The following KLHL31 variants were observed in gnomAD, a reference collection of about 807,000 sequenced individuals.
KLHL31 encodes the protein kelch like family member 31.
Under a neutral mutation model 47.1 loss-of-function variants are expected in KLHL31, and 32 were observed. The ratio of observed to expected loss-of-function variants is 0.68; its 90% CI spans 0.51 to 0.91. The LOEUF (loss-of-function observed/expected upper bound fraction) is 0.91, where lower values mean the gene tolerates loss of function less well. KLHL31 is among the 40% of genes least tolerant of loss of function. The pLI is 0.00. For synonymous variants in KLHL31, 330 were observed against 325.1 expected, an observed-to-expected ratio of 1.01 and a Z score of -0.16; for missense variants, 797 against 819.3, an observed-to-expected ratio of 0.97 and a Z score of 0.33.
rs572795025 is a variant in KLHL31, at chr6:53,648,489, C to T, written c.*3109G>A. The T allele has an allele frequency of 6.6e-6, 1 of 152,328 alleles. No homozygotes were observed. The highest frequency in any genetic ancestry group is 2.1e-4 in the South Asian group (1 of 4,832). The allele number at this position is 152,328 out of a possible 1,614,324, so 9.4% of individuals were successfully genotyped here. Reference sequence around the variant, plus strand: ...TAAAAAATTGACCTTTTAGAACGTACATATTTCCAGGTAAACCTCTATTTA... The same window carrying T: ...TAAAAAATTGACCTTTTAGAACGTATATATTTCCAGGTAAACCTCTATTTA... On this transcript the variant is annotated 3_prime_UTR_variant, in exon 3 of 3. Transcript: ENST00000370905.
chr6:53,658,777 C>G (rs1403651709), intron 1 of KLHL31, among the ~76,000 whole-genome samples: 1 of 152,066 alleles, frequency 6.6e-6, no homozygotes, highest in Non-Finnish European at 1.5e-5. Context: ...GAAAATTAAA[C>G]AGTTTCCTTT....
chr6:53,663,240 G>A (rs1581792382), intron 1 of KLHL31, among the ~76,000 whole-genome samples: 1 of 152,190 alleles, frequency 6.6e-6, no homozygotes, highest in South Asian at 2.1e-4. Flanking sequence ...TCTAACATGG[G>A]AAGATAGAGA....
rs1367530940 is a variant in KLHL31 at position 53,656,147 on chromosome 6, C to A, written c.-33-842G>T. On this transcript the variant is annotated intron_variant, in intron 1 of 2. Coordinates refer to ENST00000370905, the MANE Select transcript of KLHL31 (RefSeq NM_001003760.5). ...TACTTGACTCTAATTTAGTGAGACA[C>A]ATATAAGTACTATAGGATTTTGCCA... 2.8e-5 allele frequency among the ~76,000 whole-genome samples: 3 copies of A among 108,264 alleles called. No individual in the cohort carries two copies. In the East Asian group the frequency reaches 9.2e-4, roughly 33 times the overall value. 71.0% of individuals were successfully genotyped at this position (108,264 alleles called of 152,430 possible).
intron 1 of KLHL31, among the ~76,000 whole-genome samples, chr6:53,656,609 C>A (rs914391997): frequency 1.3e-5 from 2 of 151,902 alleles, no homozygotes; most frequent in Non-Finnish European, 2.9e-5. Context: ...ACTTAAAAAT[C>A]AATGAGAAAG....
rs1244132732 is a variant in KLHL31 at position 53,648,446 on chromosome 6, C to G, written c.*3152G>C. 1 of 151,974 alleles carries G rather than the reference C, an allele frequency of 6.6e-6. No individual in the cohort carries two copies. Among genetic ancestry groups the G allele is most frequent in the African/African-American group, 2.4e-5 (1 of 41,394 alleles). The allele number at this position is 151,974 out of a possible 1,614,324, so 9.4% of individuals were successfully genotyped here. ...TTCTGAAGACACTTGGCCAGGATAA[C>G]CAGCAAAAAAATAAAATTAAAAAAT... On this transcript the variant is annotated 3_prime_UTR_variant, in exon 3 of 3. Transcript: ENST00000370905.
chr6:53,652,566 G>A (rs1045961682), intron 2 of KLHL31, among the ~76,000 whole-genome samples: 17 of 152,222 alleles, frequency 1.1e-4, no homozygotes, highest in Non-Finnish European at 2.1e-4. Flanking sequence ...CCTCTCCTCC[G>A]TTTATAAGCA....
rs1764604646 is a variant in KLHL31 at position 53,658,610 on chromosome 6, AGGGCAGTAGCTATTT to A, written c.-33-3320_-33-3306del. On this transcript the variant is annotated intron_variant, in intron 1 of 2. Transcript: ENST00000370905. ...GGGTGGGAGGGACTCAGAGAAGTTC[AGGGCAGTAGCTATTT>A]GACTATTTCAATTTGTTTGATATAC... 3.3e-5 allele frequency among the ~76,000 whole-genome samples: 5 copies of A among 152,264 alleles called. No individual in the cohort carries two copies. In the South Asian group the frequency reaches 1.0e-3, roughly 32 times the overall value.
rs371428644 is a variant in KLHL31 at position 53,651,552 on chromosome 6, A to G, written c.*46T>C. ...ACTCAGAGGTTAACCACGTGGCTCT[A>G]CGAATAAATAACGTGTTCTTCCTGC... On this transcript the variant is annotated 3_prime_UTR_variant, in exon 3 of 3. Coordinates refer to ENST00000370905, the MANE Select transcript of KLHL31 (RefSeq NM_001003760.5). 2 of 1,570,392 alleles carry G rather than the reference A, an allele frequency of 1.3e-6. No individual in the cohort carries two copies. The highest frequency in any genetic ancestry group is 1.4e-5 in the African/African-American group (1 of 73,990).
rs771420967 is a variant in KLHL31 at position 53,651,633 on chromosome 6, C to T, written c.1870G>A (p.Ala624Thr). The change falls in exon 3 of 3, where the codon GCC (alanine) becomes ACC (threonine). Residue 624 changes from alanine (A) to threonine (T), a missense_variant. By Grantham distance (58) the Ala-to-Thr change is moderately conservative (BLOSUM62 0). Coordinates refer to ENST00000370905, the MANE Select transcript of KLHL31 (RefSeq NM_001003760.5). ...MPNNVTRESRASSVSSVPVSI is the reference protein window; with the variant it reads ...MPNNVTRESRTSSVSSVPVSI ...ACTGGCACAGAAGATACCGAACTGG[C>T]CCGGGATTCCCGAGTCACGTTGTTG... is the stretch of plus-strand genomic sequence containing the variant. The T allele has an allele frequency of 5.2e-5, 84 of 1,613,960 alleles. No individual in the cohort carries two copies. Among genetic ancestry groups the T allele is most frequent in the Non-Finnish European group, 6.9e-5 (81 of 1,179,996 alleles).
intron 1 of KLHL31, among the ~76,000 whole-genome samples, chr6:53,665,168 G>C (rs1370302480): frequency 6.6e-6 from 1 of 151,790 alleles, no homozygotes; most frequent in East Asian, 1.9e-4. Flanking sequence ...CATCCAAACT[G>C]ATCAGTAACA....
Position 53,659,734 on chromosome 6 carries a change from G to A in KLHL31, c.-33-4429C>T, listed in dbSNP as rs566954304. ...TTCGGTCAATACATACAGGAGGTTGGATGCCAGGAAGGCTTGAACCTGATA... is the reference window on the plus strand; with the variant it reads ...TTCGGTCAATACATACAGGAGGTTGAATGCCAGGAAGGCTTGAACCTGATA... On this transcript the variant is annotated intron_variant, in intron 1 of 2. Transcript: ENST00000370905. Among the ~76,000 whole-genome samples the A allele has an allele frequency of 2.2e-4, 34 of 152,296 alleles. No individual in the cohort carries two copies. In the South Asian group the frequency reaches 5.8e-3, roughly 26 times the overall value.
rs1199035980 is a variant in KLHL31, at chr6:53,650,022, C to G, written c.*1576G>C. On this transcript the variant is annotated 3_prime_UTR_variant, in exon 3 of 3. Coordinates refer to ENST00000370905, the MANE Select transcript of KLHL31 (RefSeq NM_001003760.5). ...GTTCCACAAAGTGTACTATATGAAC[C>G]ACTTTTCACAGTTCAAATAACATAT... is the stretch of plus-strand genomic sequence containing the variant. 1 of 152,054 alleles carries G rather than the reference C, an allele frequency of 6.6e-6. No homozygotes were observed. The highest frequency in any genetic ancestry group is 1.5e-5 in the Non-Finnish European group (1 of 67,994). 9.4% of individuals were successfully genotyped at this position (152,054 alleles called of 1,614,324 possible).
intron 1 of KLHL31, among the ~76,000 whole-genome samples, chr6:53,658,347 G>A (rs1330019068): frequency 6.6e-6 from 1 of 152,086 alleles, no homozygotes; most frequent in Non-Finnish European, 1.5e-5. Context: ...CCTGAGCCTG[G>A]GGAGTAATCT....
chr6:53,664,781 G>A lies in KLHL31; in HGVS notation c.-34+820C>T, dbSNP rs561460009. ...GATCCCAGAATGTCTTTTTGCCAAA[G>A]GGGCGAATCAGCTGCGCCTGCTCCC... On this transcript the variant is annotated intron_variant, in intron 1 of 2. Coordinates refer to ENST00000370905, the MANE Select transcript of KLHL31 (RefSeq NM_001003760.5). Among the ~76,000 whole-genome samples, 41 of 152,256 alleles carry A rather than the reference G, an allele frequency of 2.7e-4. 1 individual carries two copies. The highest frequency in any genetic ancestry group is 8.4e-4 in the African/African-American group (35 of 41,544).
In KLHL31 at chr6:53,652,436, G is replaced by T. The variant is rs760587462; in HGVS notation, c.1173-106C>A. 8.5e-6 allele frequency: 12 copies of T among 1,415,764 alleles called. No homozygotes were observed. The South Asian group carries it at 9.9e-5, about 12-fold the overall frequency. 87.7% of individuals were successfully genotyped at this position (1,415,764 alleles called of 1,614,324 possible). ...AGCCTGACACTACCCCTGCAAGGAG[G>T]CGAGGGACCTGGCCCAGCACCTCAC... On this transcript the variant is annotated intron_variant, in intron 2 of 2. Transcript: ENST00000370905.
rs777607576 is a variant in KLHL31, at chr6:53,651,866, C to T, written c.1637G>A (p.Ser546Asn). 9.4e-6 allele frequency: 15 copies of T among 1,602,098 alleles called. No homozygotes were observed. In the Admixed American group the frequency reaches 2.5e-4, roughly 27 times the overall value. The change falls in exon 3 of 3, where the codon AGC becomes AAC. Residue 546 changes from serine (S) to asparagine (N), a missense_variant. Ser to Asn is a conservative substitution (Grantham distance 46). Transcript: ENST00000370905. ...TCCCACCTGCAGCGGCGCCGCGTAG[C>T]TCCACTGGCCGGTCGCGGGGCTGTA... ...ECYSPATGQW[S>N]YAAPLQVGVS...
Position 53,655,047 on chromosome 6 carries a change from C to CT in KLHL31, c.225dup (p.Val76SerfsTer10). ...AAGGATTTGGTTTTGGTACCAATGA[C>CT]TAAGTCACATAGGAAGTTCTCCTGC... On this transcript the variant is annotated frameshift_variant, in exon 2 of 3. Transcript: ENST00000370905. LOFTEE classifies it high-confidence loss of function. 6.2e-7 allele frequency: 1 copy of CT among 1,614,128 alleles called. No individual in the cohort carries two copies. Among genetic ancestry groups the CT allele is most frequent in the Non-Finnish European group, 8.5e-7 (1 of 1,180,024 alleles).
chr6:53,654,956 G>C lies in KLHL31; in HGVS notation c.317C>G (p.Pro106Arg). Residue 106 changes from proline to arginine, a missense_variant, in exon 2 of 3, where the codon CCG becomes CGG. Coordinates refer to ENST00000370905, the MANE Select transcript of KLHL31 (RefSeq NM_001003760.5). ...EYFYNILKKD[P>R]SIQRVDLNDI... ...ATTGAGATCCACCCTCTGAATTGAC[G>C]GGTCTTTTTTTAGGATGTTGTAAAA... is the stretch of plus-strand genomic sequence containing the variant. 2 of 1,614,142 alleles carry C rather than the reference G, an allele frequency of 1.2e-6. No individual in the cohort carries two copies. Among genetic ancestry groups the C allele is most frequent in the South Asian group, 1.1e-5 (1 of 91,086 alleles).
rs115222113 is a variant in KLHL31, at chr6:53,658,224, G to C, written c.-33-2919C>G. On this transcript the variant is annotated intron_variant, in intron 1 of 2. Coordinates refer to ENST00000370905, the MANE Select transcript of KLHL31 (RefSeq NM_001003760.5). ...AATAAGGAGCTAGGTTAGCACAGCA[G>C]AGAAAATTTTGGGGGGAAAGTCCTG... Among the ~76,000 whole-genome samples the C allele has an allele frequency of 8.9e-3, 1,347 of 152,046 alleles. 21 individuals are homozygous for C. Among genetic ancestry groups the C allele is most frequent in the African/African-American group, 0.031 (1,270 of 41,462 alleles).
Sources: gnomAD v4.1 joint callset for allele counts (sites outside exome capture counted in the v4.1 genomes callset) on GRCh38, gnomAD v4.1.1 for gene constraint, MANE v1.5 for transcripts, NCBI Gene and HGNC (gene_info 2026-07-23, HGNC 2026-07-21) for gene names.